Variants in ACTR3C observed in about 807,000 individuals in gnomAD.
ACTR3C encodes actin-related protein 3C.
Under a neutral mutation model 26.3 loss-of-function variants are expected in ACTR3C, and 18 were observed. The observed-to-expected ratio is 0.68, with a 90% CI of 0.47 to 1.01. The LOEUF (loss-of-function observed/expected upper bound fraction) is 1.01, where lower values mean the gene tolerates loss of function less well. ACTR3C is among the 50% of genes least tolerant of loss of function. The pLI is 0.00. For missense variants in ACTR3C, 184 were observed against 250.7 expected (o/e 0.73, Z 1.80); for synonymous variants, 55 against 94.5 (o/e 0.58, Z 2.42).
At chr7:150,305,287 C>T (rs916544141) in intron 1 of ACTR3C, among the ~76,000 whole-genome samples, 3 of 152,106 alleles carry the variant, frequency 2.0e-5, no homozygotes, top group African/African-American at 7.2e-5. Context: ...ATTTTAAGAA[C>T]CTCGCAAATG....
the ACTR3C span, among the ~76,000 whole-genome samples, chr7:149,980,763 G>A: frequency 6.6e-6 from 1 of 152,236 alleles, no homozygotes; most frequent in Admixed American, 6.5e-5. Flanking sequence ...AAATATGATG[G>A]ATAAGCAGTG....
intron 1 of ACTR3C, among the ~76,000 whole-genome samples, chr7:150,318,694 C>T (rs1013977240): frequency 6.6e-5 from 10 of 152,180 alleles, no homozygotes; most frequent in East Asian, 3.9e-4. Flanking sequence ...CCCGAAGAGC[C>T]GAGATCGCAC....
chr7:150,237,004 G>C, the ACTR3C span, among the ~76,000 whole-genome samples: 1 of 151,732 alleles, frequency 6.6e-6, no homozygotes, highest in Admixed American at 6.5e-5. Context: ...TTTGGCAGGA[G>C]GCTGTCCTAA....
At chr7:149,983,518 A>T in the ACTR3C span, among the ~76,000 whole-genome samples, 1 of 147,398 alleles carries the variant, frequency 6.8e-6, no homozygotes, top group African/African-American at 2.5e-5. Flanking sequence ...CTTGTACATT[A>T]TTGGGGGGGA....
chr7:150,009,883 C>T, the ACTR3C span, among the ~76,000 whole-genome samples: 1 of 152,242 alleles, frequency 6.6e-6, no homozygotes, highest in African/African-American at 2.4e-5. Flanking sequence ...CTCACTCTCT[C>T]CCTCCAACCC....
chr7:150,322,689 A>G (rs1797665217), intron 1 of ACTR3C: 1 of 152,236 alleles, frequency 6.6e-6, no homozygotes. Flanking sequence ...TGCTCTGCCT[A>G]TGGAGTAGCC....
intron 1 of ACTR3C, among the ~76,000 whole-genome samples, chr7:150,318,501 CGCCTGTAATCCCAGCACTTTG>C (rs1563215024): frequency 6.6e-6 from 1 of 152,158 alleles, no homozygotes; most frequent in Non-Finnish European, 1.5e-5. Context: ...CGGTGGCTCA[CGCCTGTAATCCCAGCACTTTG>C]GGAGGCCAAG....
the ACTR3C span, among the ~76,000 whole-genome samples, chr7:150,039,534 G>A: frequency 3.3e-5 from 3 of 89,554 alleles, no homozygotes; most frequent in African/African-American, 1.1e-4. Context: ...CTCCTGCGAT[G>A]GGGGTCCCCA....
At chr7:150,315,459 A>G (rs1796770195) in intron 1 of ACTR3C, among the ~76,000 whole-genome samples, 1 of 152,248 alleles carries the variant, frequency 6.6e-6, no homozygotes. Context: ...GTGGATATGC[A>G]CATAGCCAAA....
At chr7:150,007,337 A>T in the ACTR3C span, among the ~76,000 whole-genome samples, 1 of 152,202 alleles carries the variant, frequency 6.6e-6, no homozygotes, top group African/African-American at 2.4e-5. Flanking sequence ...ATTTACAACA[A>T]AATAGTCTGG....
the ACTR3C span, among the ~76,000 whole-genome samples, chr7:150,210,058 G>T: frequency 2.6e-5 from 4 of 151,576 alleles, no homozygotes; most frequent in Non-Finnish European, 1.5e-5. Context: ...TCAAAAATAT[G>T]TCAGGGATTT....
chr7:150,105,025 T>C, the ACTR3C span, among the ~76,000 whole-genome samples: 18 of 151,942 alleles, frequency 1.2e-4, no homozygotes, highest in African/African-American at 4.4e-4. Context: ...AAGGGTGTTA[T>C]TGAGCACATC....
intron 6 of ACTR3C, among the ~76,000 whole-genome samples, chr7:150,254,234 C>G (rs953518769): frequency 1.7e-4 from 26 of 152,196 alleles, no homozygotes; most frequent in African/African-American, 5.8e-4. Context: ...CTTGGAGAAC[C>G]AGTGGGGTGT....
chr7:150,240,144 A>G (rs1832099934), downstream of ACTR3C, among the ~76,000 whole-genome samples: 1 of 152,216 alleles, frequency 6.6e-6, no homozygotes, highest in Non-Finnish European at 1.5e-5. Context: ...TAAGAGAAAA[A>G]ATTATTTTCA....
At chr7:150,119,414 C>CA in the ACTR3C span, among the ~76,000 whole-genome samples, 1 of 151,668 alleles carries the variant, frequency 6.6e-6, no homozygotes, top group Non-Finnish European at 1.5e-5. Context: ...AAATAGAAAG[C>CA]AAAAAAAGCA....
downstream of ACTR3C, among the ~76,000 whole-genome samples, chr7:150,242,408 C>A (rs1025017783): frequency 6.6e-6 from 1 of 150,636 alleles, no homozygotes; most frequent in Non-Finnish European, 1.5e-5. Context: ...CAAAGGGGCA[C>A]AGGGAGCTTT....
chr7:150,167,784 C>T, the ACTR3C span, among the ~76,000 whole-genome samples: 3 of 150,454 alleles, frequency 2.0e-5, no homozygotes, highest in Admixed American at 2.0e-4. Context: ...GTCTGGAATC[C>T]ACTGCCAGCA....
the ACTR3C span, among the ~76,000 whole-genome samples, chr7:150,172,218 A>G: frequency 3.3e-4 from 50 of 150,642 alleles, no homozygotes; most frequent in Non-Finnish European, 5.4e-4. Context: ...GTATTAGTCC[A>G]TTTTCACACT....
the ACTR3C span, among the ~76,000 whole-genome samples, chr7:149,975,512 G>A: frequency 6.6e-6 from 1 of 151,862 alleles, no homozygotes; most frequent in African/African-American, 2.4e-5. Context: ...AGAAGAGCAA[G>A]CTAAACCCAA....
Sources: allele counts gnomAD v4.1 joint callset (sites outside exome capture counted in the v4.1 genomes callset), GRCh38; gene constraint gnomAD v4.1.1; transcripts MANE v1.5; gene names NCBI Gene and HGNC (gene_info 2026-07-23, HGNC 2026-07-21).